Variants in USP13 observed in about 807,000 individuals in gnomAD.
USP13 encodes ubiquitin specific peptidase 13, also known as ubiquitin carboxyl-terminal hydrolase 13.
A neutral mutation model predicts 107.8 loss-of-function variants in USP13; 68 were observed. The ratio of observed to expected loss-of-function variants is 0.63; its 90% CI spans 0.52 to 0.77. The LOEUF is 0.77. Among genes scored for constraint, USP13 ranks in the 30% least tolerant of loss-of-function variants. The probability of loss-of-function intolerance (pLI) is 0.00; values close to 1 mark genes in which losing one functional copy is unlikely to be tolerated. For missense variants in USP13, 945 were observed against 1,093.3 expected (o/e 0.86, Z 1.91); for synonymous variants, 377 against 389.5 (o/e 0.97, Z 0.38).
rs540110524 is a variant in USP13 at position 179,672,545 on chromosome 3, C to T, written c.169-9333C>T. 5.3e-5 allele frequency among the ~76,000 whole-genome samples: 8 copies of T among 151,388 alleles called. No homozygotes were observed. The South Asian group carries it at 6.2e-4, about 12-fold the overall frequency. On this transcript the variant is annotated intron_variant, in intron 1 of 20. Coordinates refer to ENST00000263966, the MANE Select transcript of USP13 (RefSeq NM_003940.3). ...GACTACAGGTGTGTACCACCATGCG[C>T]GGCTAATTTTTTTGTTAGCTGGGAC... is the stretch of plus-strand genomic sequence containing the variant.
chr3:179,710,640 T>C (rs1712889639), intron 6 of USP13, among the ~76,000 whole-genome samples: 1 of 152,238 alleles, frequency 6.6e-6, no homozygotes, highest in South Asian at 2.1e-4. Flanking sequence ...AATACAGTCC[T>C]GTGTCACTTA....
chr3:179,728,930 C>CAGAGGGAGACCGTGGAGAGAGGG (rs761265737), intron 8 of USP13, among the ~76,000 whole-genome samples: 2,748 of 145,732 alleles, frequency 0.019, 39 homozygotes, highest in Non-Finnish European at 0.03. Flanking sequence ...AGCTCGGCAT[C>CAGAGGGAGACCGTGGAGAGAGGG]AGAGGGAGAC....
Position 179,653,451 on chromosome 3 carries a change from C to T in USP13, c.168+58C>T. 1 of 1,524,620 alleles carries T rather than the reference C, an allele frequency of 6.6e-7. No individual in the cohort carries two copies. The highest frequency in any genetic ancestry group is 1.4e-5 in the African/African-American group (1 of 71,774). 94.4% of individuals were successfully genotyped at this position (1,524,620 alleles called of 1,614,324 possible). A position where few individuals can be genotyped will look rare whatever the true frequency, so the allele number is the denominator to read the frequency against. The stretch of plus-strand genomic sequence containing the variant: ...GCCGGCGGCCTGCGGCACGTGAAGC[C>T]GGGGGAGAAGATGCGCAGTGGCGGC... On this transcript the variant is annotated intron_variant, in intron 1 of 20. Coordinates refer to ENST00000263966, the MANE Select transcript of USP13 (RefSeq NM_003940.3). This position sits in a 1 kb window ranked among gnomAD's most constrained non-coding sequence, Gnocchi z 4.0.
At chr3:179,727,568 T>A (rs1225344862) in intron 8 of USP13, among the ~76,000 whole-genome samples, 78 of 114,394 alleles carry the variant, frequency 6.8e-4, no homozygotes, top group African/African-American at 2.3e-3. Flanking sequence ...GTCTACCTCT[T>A]TCTACACAGA....
At chr3:179,684,718 T>C (rs763174541) in intron 2 of USP13, among the ~76,000 whole-genome samples, 7 of 152,242 alleles carry the variant, frequency 4.6e-5, no homozygotes, top group Non-Finnish European at 5.9e-5. Flanking sequence ...TCTGCATTGG[T>C]ATGGCAAGCC....
chr3:179,716,924 C>T (rs910757176), intron 6 of USP13, among the ~76,000 whole-genome samples: 5 of 151,986 alleles, frequency 3.3e-5, no homozygotes, highest in African/African-American at 9.7e-5. Context: ...TTTTTTCTTC[C>T]GCAGATTGCT....
At chr3:179,659,824 A>G (rs779831258) in intron 1 of USP13, among the ~76,000 whole-genome samples, 1 of 152,038 alleles carries the variant, frequency 6.6e-6, no homozygotes, top group African/African-American at 2.4e-5. Flanking sequence ...GGATCACCTT[A>G]TGAGGTCAGG....
chr3:179,730,978 A>G (rs1713783254), intron 10 of USP13, among the ~76,000 whole-genome samples: 1 of 152,222 alleles, frequency 6.6e-6, no homozygotes, highest in African/African-American at 2.4e-5. Context: ...TATAAAATAG[A>G]GCTGAGATCG....
Position 179,748,615 on chromosome 3 carries a change from T to C in USP13, c.1709+3398T>C, listed in dbSNP as rs1052418365. 3.9e-5 allele frequency among the ~76,000 whole-genome samples: 6 copies of C among 152,360 alleles called. 1 individual carries two copies. The highest frequency in any genetic ancestry group is 1.4e-4 in the African/African-American group (6 of 41,584). On this transcript the variant is annotated intron_variant, in intron 13 of 20. Coordinates refer to ENST00000263966, the MANE Select transcript of USP13 (RefSeq NM_003940.3). Reference sequence around the variant, plus strand: ...GAATATTAGTGCTTGGAAAGTTTATTCACCCAGCAAATATTATTGCTCACT... The same window carrying C: ...GAATATTAGTGCTTGGAAAGTTTATCCACCCAGCAAATATTATTGCTCACT...
rs1320714434 is a variant in USP13 at position 179,708,693 on chromosome 3, T to G, written c.621-80T>G. The G allele has an allele frequency of 1.9e-6, 3 of 1,544,592 alleles. No individual in the cohort carries two copies. The Admixed American group carries it at 5.4e-5, about 28-fold the overall frequency. On this transcript the variant is annotated intron_variant, in intron 5 of 20. Coordinates refer to ENST00000263966, the MANE Select transcript of USP13 (RefSeq NM_003940.3). ...TGAGCCTTTGTTGTGACCTGCCTAC[T>G]TGAAACCCTCTGTCTTCTTAGATGT...
intron 8 of USP13, among the ~76,000 whole-genome samples, chr3:179,728,848 G>A (rs1325767722): frequency 2.0e-5 from 3 of 152,062 alleles, no homozygotes; most frequent in South Asian, 2.1e-4. Flanking sequence ...CAGGCGTGGC[G>A]GCGCGCGCCT....
At position 179,745,731 on chromosome 3, in the gene USP13, A is replaced by T. The variant is rs944896142; in HGVS notation, c.1709+514A>T. 1.2e-4 allele frequency among the ~76,000 whole-genome samples: 18 copies of T among 152,290 alleles called. No homozygotes were observed. The South Asian group carries it at 1.9e-3, about 16-fold the overall frequency. ...GTGCTATATTTTAACTCCATAATTA[A>T]AGACTTAGTCTAGAACTTGGTTGGC... On this transcript the variant is annotated intron_variant, in intron 13 of 20. Coordinates refer to ENST00000263966, the MANE Select transcript of USP13 (RefSeq NM_003940.3).
At chr3:179,684,891 T>G (rs1711813522) in intron 2 of USP13, among the ~76,000 whole-genome samples, 2 of 152,164 alleles carry the variant, frequency 1.3e-5, no homozygotes, top group South Asian at 4.1e-4. Context: ...TTAGTTCATC[T>G]AGCTTAAAAA....
intron 8 of USP13, among the ~76,000 whole-genome samples, chr3:179,724,269 C>A (rs1187775403): frequency 6.6e-6 from 1 of 150,594 alleles, no homozygotes; most frequent in Non-Finnish European, 1.5e-5. Flanking sequence ...ACCAGCCTGG[C>A]CAACATGGTG....
intron 3 of USP13, among the ~76,000 whole-genome samples, chr3:179,694,799 C>CAAAAAAAAAAAAAAAA (rs576517737): frequency 4.9e-5 from 4 of 82,164 alleles, no homozygotes; most frequent in African/African-American, 1.4e-4. Flanking sequence ...AACTCCATCT[C>CAAAAAAAAAAAAAAAA]AAAAAAAAAA....
intron 4 of USP13, among the ~76,000 whole-genome samples, chr3:179,702,814 C>G (rs181242921): frequency 2.0e-5 from 3 of 152,264 alleles, no homozygotes; most frequent in East Asian, 3.9e-4. Context: ...TTACCTCATC[C>G]CATTACCTGA....
rs373881328 is a variant in USP13 at position 179,739,314 on chromosome 3, T to C, written c.1255-933T>C. ...CTGCCTGTTCTTCCCCCGCAGCCTTTCTAGCAGCTGCAGCCAGGTGAGGGG... is the reference window on the plus strand; with the variant it reads ...CTGCCTGTTCTTCCCCCGCAGCCTTCCTAGCAGCTGCAGCCAGGTGAGGGG... On this transcript the variant is annotated intron_variant, in intron 10 of 20. Transcript: ENST00000263966. Among the ~76,000 whole-genome samples, 414 of 152,330 alleles carry C rather than the reference T, an allele frequency of 2.7e-3. 2 individuals carry two copies. The highest frequency in any genetic ancestry group is 9.5e-3 in the African/African-American group (396 of 41,572).
At chr3:179,672,136 C>T (rs576164055) in intron 1 of USP13, among the ~76,000 whole-genome samples, 2 of 152,294 alleles carry the variant, frequency 1.3e-5, no homozygotes, top group Admixed American at 6.5e-5. Flanking sequence ...TGACTATTCA[C>T]TTGCTACTCT....
At chr3:179,756,908 C>T (rs1576981247) in intron 15 of USP13, 144 bp from the exon 16 acceptor site, 28 of 753,746 alleles carry the variant, frequency 3.7e-5, no homozygotes, top group East Asian at 3.4e-4. Flanking sequence ...GGGTGGTCTG[C>T]GTGTGGTTGA....
Sources: gnomAD v4.1 joint callset for allele counts (sites outside exome capture counted in the v4.1 genomes callset) on GRCh38, gnomAD v4.1.1 for gene constraint, Gnocchi (gnomAD v3.1) non-coding constraint, MANE v1.5 for transcripts, NCBI Gene and HGNC (gene_info 2026-07-23, HGNC 2026-07-21) for gene names.